TRIO: variants seen among roughly 807,000 people sequenced by gnomAD.
TRIO encodes the protein triple functional domain protein.
In TRIO, 58 loss-of-function variants were observed where a neutral mutation model predicts 351.9. The ratio of observed to expected loss-of-function variants is 0.16; its 90% CI spans 0.13 to 0.21. The LOEUF is 0.21. Ranked by LOEUF, TRIO falls within the 10% of genes least tolerant of loss-of-function variation. TRIO has a pLI of 1.00. For missense variants in TRIO, 3,201 were observed against 4,027.8 expected (o/e 0.79, Z 5.56); for synonymous variants, 1,758 against 1,595.7 (o/e 1.10, Z -2.42).
At chr5:14,297,027 A>G (rs756308328) in intron 6 of TRIO, 45 bp from the exon 7 acceptor site, 5 of 1,550,906 alleles carry the variant, frequency 3.2e-6, no homozygotes, top group Admixed American at 1.8e-5. Context: ...GGAGCCTCCT[A>G]TTTGCTCTCC....
chr5:14,195,118 G>T (rs1790696422), intron 1 of TRIO, among the ~76,000 whole-genome samples: 1 of 152,060 alleles, frequency 6.6e-6, no homozygotes, highest in Non-Finnish European at 1.5e-5. Flanking sequence ...ACTTTATTCA[G>T]ATCTTGCCAG....
chr5:14,495,418 T>A (rs1756807663), intron 49 of TRIO, among the ~76,000 whole-genome samples: 1 of 152,140 alleles, frequency 6.6e-6, no homozygotes, highest in Admixed American at 6.5e-5. Flanking sequence ...GATTCCAATT[T>A]CCAAAGAAGT....
At chr5:14,200,511 T>C (rs549017564) in intron 1 of TRIO, among the ~76,000 whole-genome samples, 2 of 152,360 alleles carry the variant, frequency 1.3e-5, no homozygotes, top group African/African-American at 4.8e-5. Flanking sequence ...TAGGGTCTAA[T>C]ACATGATGGT....
chr5:14,502,060 T>C (rs953576839), intron 53 of TRIO, among the ~76,000 whole-genome samples: 2 of 152,228 alleles, frequency 1.3e-5, no homozygotes, highest in African/African-American at 2.4e-5. Context: ...TTATGATTCA[T>C]TAACCATGTA....
intron 27 of TRIO, 81 bp from the exon 28 acceptor site, chr5:14,393,957 G>T: frequency 1.1e-6 from 1 of 875,908 alleles, no homozygotes; most frequent in Non-Finnish European, 1.8e-6. Flanking sequence ...TACAGTATTT[G>T]GAAAAGTAAT....
chr5:14,287,139 ATT>A, intron 4 of TRIO, 76 bp downstream of exon 4: 6 of 1,373,640 alleles, frequency 4.4e-6, no homozygotes, highest in Non-Finnish European at 5.9e-6. Context: ...CTAATGAGAG[ATT>A]TTTTTTTTAA....
chr5:14,163,077 C>G (rs1021804061), intron 1 of TRIO, among the ~76,000 whole-genome samples: 3 of 152,110 alleles, frequency 2.0e-5, no homozygotes, highest in African/African-American at 7.2e-5. Context: ...ATACACATGC[C>G]GTGGTGGTTT....
At chr5:14,484,942 C>T in intron 46 of TRIO, 127 bp from the exon 47 acceptor site, 3 of 953,740 alleles carry the variant, frequency 3.1e-6, no homozygotes, top group Admixed American at 3.3e-5. Context: ...GAATTTCTTT[C>T]CTCATTAAGG....
chr5:14,376,528 A>C (rs924595278), intron 19 of TRIO, among the ~76,000 whole-genome samples: 3 of 152,220 alleles, frequency 2.0e-5, no homozygotes, highest in African/African-American at 7.2e-5. Flanking sequence ...TTACCTTGCA[A>C]CTTGCATCTT....
chr5:14,230,340 TTGTGTGTGTGTGTGTG>T (rs59717445), intron 1 of TRIO, among the ~76,000 whole-genome samples: 2 of 149,088 alleles, frequency 1.3e-5, no homozygotes, highest in Non-Finnish European at 1.5e-5. Flanking sequence ...GGCAAGATGT[TTGTGTGTGTGTGTGTG>T]TGTGTGTGTG....
At chr5:14,288,956 C>G (rs1482248477) in intron 4 of TRIO, among the ~76,000 whole-genome samples, 1 of 152,114 alleles carries the variant, frequency 6.6e-6, no homozygotes, top group East Asian at 1.9e-4. Context: ...AGATTTCTTG[C>G]CGAGGCCAGG....
intron 1 of TRIO, among the ~76,000 whole-genome samples, chr5:14,164,534 A>G (rs1049687973): frequency 1.1e-4 from 17 of 152,252 alleles, no homozygotes; most frequent in African/African-American, 4.1e-4. Context: ...TCCGATTTTC[A>G]TTGAGGGCAC....
chr5:14,202,293 G>GTTTTTTTTTTTTTTTTTTTTTTTTTTTTT (rs1561196197), intron 1 of TRIO, among the ~76,000 whole-genome samples: 1 of 34,350 alleles, frequency 2.9e-5, no homozygotes, highest in African/African-American at 1.0e-4. Flanking sequence ...ATATTTTTGT[G>GTTTTTTTTTTTTTTTTTTTTTTTTTTTTT]ATTTTTTTTT....
At chr5:14,171,794 TCG>T (rs1554025779) in intron 1 of TRIO, among the ~76,000 whole-genome samples, 2 of 152,062 alleles carry the variant, frequency 1.3e-5, no homozygotes, top group Non-Finnish European at 2.9e-5. Context: ...GGGGGGATGG[TCG>T]GTGGTTAGTA....
rs1275942347 is a variant in TRIO at position 14,286,767 on chromosome 5, C to T, written c.348-104C>T. ...CTCCTTCCCCTGCCTCCGCACGTGTCCAGCAGGGGAGGGAAGCTGGGTCTG... is the reference window on the plus strand; with the variant it reads ...CTCCTTCCCCTGCCTCCGCACGTGTTCAGCAGGGGAGGGAAGCTGGGTCTG... On this transcript the variant is annotated intron_variant, in intron 3 of 56. Transcript: ENST00000344204. This position sits in a 1 kb window ranked among gnomAD's most constrained non-coding sequence, Gnocchi z 4.4. 4.1e-6 allele frequency: 5 copies of T among 1,231,646 alleles called. No homozygotes were observed. The highest frequency in any genetic ancestry group is 5.7e-6 in the Non-Finnish European group (5 of 883,944). The allele number at this position is 1,231,646 out of a possible 1,614,324, so 76.3% of individuals were successfully genotyped here.
intron 1 of TRIO, among the ~76,000 whole-genome samples, chr5:14,145,809 G>C (rs369271313): frequency 6.4e-4 from 97 of 152,292 alleles, no homozygotes; most frequent in African/African-American, 2.2e-3. Context: ...TTTGCTGCCT[G>C]TTGGCGTGGC....
intron 8 of TRIO, among the ~76,000 whole-genome samples, chr5:14,312,712 T>A (rs942999094): frequency 6.6e-6 from 1 of 152,220 alleles, no homozygotes; most frequent in African/African-American, 2.4e-5. Flanking sequence ...GTTCAGTAGT[T>A]AAGAAACTGT....
At chr5:14,444,299 T>C (rs1752281511) in intron 34 of TRIO, among the ~76,000 whole-genome samples, 3 of 152,246 alleles carry the variant, frequency 2.0e-5, no homozygotes, top group African/African-American at 7.2e-5. Context: ...ATATTCAGTT[T>C]CACATGAATA....
At chr5:14,310,276 A>G (rs1235232884) in intron 8 of TRIO, among the ~76,000 whole-genome samples, 4 of 152,230 alleles carry the variant, frequency 2.6e-5, no homozygotes, top group African/African-American at 9.6e-5. Context: ...ACAAGCCTCA[A>G]TGCCAGGTGT....
Sources: gnomAD v4.1 joint callset for allele counts (sites outside exome capture counted in the v4.1 genomes callset) on GRCh38, gnomAD v4.1.1 for gene constraint, Gnocchi (gnomAD v3.1) non-coding constraint, MANE v1.5 for transcripts, NCBI Gene and HGNC (gene_info 2026-07-23, HGNC 2026-07-21) for gene names.